FBN3: variants seen among roughly 807,000 people sequenced by gnomAD.
FBN3 encodes the protein fibrillin 3.
Under a neutral mutation model 330.1 loss-of-function variants are expected in FBN3, and 234 were observed. That is an observed-to-expected ratio of 0.71 (90% CI 0.64 to 0.79). The LOEUF is 0.79. Among genes scored for constraint, FBN3 ranks in the 30% least tolerant of loss-of-function variants. FBN3 has a pLI of 0.00. For missense variants in FBN3, 3,606 were observed against 3,886.9 expected, an observed-to-expected ratio of 0.93 and a Z score of 1.92; for synonymous variants, 1,458 against 1,517.3, an observed-to-expected ratio of 0.96 and a Z score of 0.91.
In FBN3 at chr19:8,091,524, C is replaced by T. The variant is rs184950936; in HGVS notation, c.5972G>A (p.Ser1991Asn). ...GCCAGGTGGGCAGAGGCACTGGAAGCTCCCAGGGCTGTTGGTACAGGTGCC... is the reference window on the plus strand; with the variant it reads ...GCCAGGTGGGCAGAGGCACTGGAAGTTCCCAGGGCTGTTGGTACAGGTGCC... ...LFGTCTNSPG[S>N]FQCLCPPGFV... The change falls in exon 48 of 64, where the codon AGC (serine) becomes AAC (asparagine). Residue 1991 changes from serine to asparagine, a missense_variant. Transcript: ENST00000600128. 1.2e-6 allele frequency: 2 copies of T among 1,614,222 alleles called. No individual in the cohort carries two copies. Among genetic ancestry groups the T allele is most frequent in the Non-Finnish European group, 1.7e-6 (2 of 1,180,046 alleles).
In FBN3 at chr19:8,147,089, G is replaced by A. The variant is rs367934183; in HGVS notation, c.250+15C>T. On this transcript the variant is annotated intron_variant, in intron 3 of 63. Transcript: ENST00000600128. ...GGCCTGTGCCCCCCCACCTCCAGAC[G>A]GCGGTAGCACTCACGTACGACACAC... 9.6e-5 allele frequency: 148 copies of A among 1,548,926 alleles called. No homozygotes were observed. Among genetic ancestry groups the A allele is most frequent in the South Asian group, 2.1e-4 (18 of 84,308 alleles).
At chr19:8,118,567 CG>C (rs1307544183) in intron 26 of FBN3, among the ~76,000 whole-genome samples, 1 of 149,794 alleles carries the variant, frequency 6.7e-6, no homozygotes, top group Non-Finnish European at 1.5e-5. Context: ...TTCACACAGA[CG>C]CACACACACA....
intron 55 of FBN3, 48 bp from the exon 56 acceptor site, chr19:8,085,617 T>G: frequency 7.0e-7 from 1 of 1,421,654 alleles, no homozygotes; most frequent in Middle Eastern, 1.9e-4. Flanking sequence ...GAGGCTGGTT[T>G]GGGGGCAAAG....
chr19:8,122,961 C>A (rs1241269235), intron 24 of FBN3, among the ~76,000 whole-genome samples: 1 of 151,922 alleles, frequency 6.6e-6, no homozygotes, highest in East Asian at 1.9e-4. Flanking sequence ...CCGCGCCCAG[C>A]CCAGCCCCTT....
chr19:8,096,532 G>T lies in FBN3; in HGVS notation c.5451C>A (p.Ser1817Arg). The change falls in exon 44 of 64, where the codon AGC becomes AGA. Residue 1817 changes from serine (S) to arginine (R), a missense_variant. Ser to Arg is a moderately radical substitution (Grantham distance 110). Coordinates refer to ENST00000600128, the MANE Select transcript of FBN3 (RefSeq NM_032447.5). This position sits in a 1 kb window ranked among gnomAD's most constrained non-coding sequence, Gnocchi z 4.6. ...NECREIPNVC[S>R]HGDCMDTEGS... ...CTTCTGTGTCCATGCAGTCACCATG[G>T]CTACAGACATTCGGGATCTCCCGAC... 1 of 1,613,812 alleles carries T rather than the reference G, an allele frequency of 6.2e-7. No individual in the cohort carries two copies. Among genetic ancestry groups the T allele is most frequent in the Non-Finnish European group, 8.5e-7 (1 of 1,179,944 alleles).
chr19:8,105,133 T>C (rs2082411047), intron 38 of FBN3, among the ~76,000 whole-genome samples: 2 of 151,744 alleles, frequency 1.3e-5, no homozygotes. Context: ...TTTTGTATTT[T>C]TAGTAGAGAT....
At chr19:8,147,057 T>C (rs1231914058) in intron 3 of FBN3, 47 bp downstream of exon 3, 1 of 1,498,250 alleles carries the variant, frequency 6.7e-7, no homozygotes, top group Non-Finnish European at 9.0e-7. Flanking sequence ...CAGGTAAGAG[T>C]GTCCCCGGCC....
At chr19:8,116,974 C>T (rs1451716262) in intron 28 of FBN3, among the ~76,000 whole-genome samples, 175 bp from the exon 29 acceptor site, 1 of 152,144 alleles carries the variant, frequency 6.6e-6, no homozygotes. Flanking sequence ...ATTCACCCTC[C>T]TCTGCAAAAA....
chr19:8,126,845 C>G lies in FBN3; in HGVS notation c.2297-13G>C. On this transcript the variant is annotated splice_polypyrimidine_tract_variant and intron_variant, in intron 18 of 63. Coordinates refer to ENST00000600128, the MANE Select transcript of FBN3 (RefSeq NM_032447.5). Reference sequence around the variant, plus strand: ...CATTCGTCGACATCTGTGGGGACAGCCCCCCACCAGGTCCTGAGCTGCAGG... The same window carrying G: ...CATTCGTCGACATCTGTGGGGACAGGCCCCCACCAGGTCCTGAGCTGCAGG... 6.5e-7 allele frequency: 1 copy of G among 1,536,244 alleles called. No individual in the cohort carries two copies. Among genetic ancestry groups the G allele is most frequent in the Non-Finnish European group, 8.7e-7 (1 of 1,144,226 alleles).
rs754440764 is a variant in FBN3, at chr19:8,096,460, G to A, written c.5523C>T (p.Asp1841=). ...LCHRGFQASA[D]QTLCMDIDEC... ...GGGTCTCACCCATGCACAGGGTCTG[G>A]TCTGCAGAGGCCTGGAATCCACGGT... The change falls in exon 44 of 64, where the codon GAC becomes GAT. Residue 1841 remains aspartate, a synonymous_variant. Transcript: ENST00000600128. This position sits in a 1 kb window ranked among gnomAD's most constrained non-coding sequence, Gnocchi z 4.6. 1 of 1,613,934 alleles carries A rather than the reference G, an allele frequency of 6.2e-7. No individual in the cohort carries two copies. The highest frequency in any genetic ancestry group is 1.1e-5 in the South Asian group (1 of 91,062).
In FBN3 at chr19:8,109,672, G is replaced by A; in HGVS notation, c.4415C>T (p.Pro1472Leu). 6.3e-7 allele frequency: 1 copy of A among 1,580,336 alleles called. No individual in the cohort carries two copies. Among genetic ancestry groups the A allele is most frequent in the Non-Finnish European group, 8.6e-7 (1 of 1,164,470 alleles). The part of the protein sequence containing the change: ...NTPGSYLCSC[P>L]QDFELNPSGV... ...GCTGGGGTTCAGCTCAAAATCCTGGGGGCAGCTGCAGAGGTAGCTGCCGGG... is the reference window on the plus strand; with the variant it reads ...GCTGGGGTTCAGCTCAAAATCCTGGAGGCAGCTGCAGAGGTAGCTGCCGGG... Residue 1472 changes from proline (P) to leucine (L), a missense_variant, in exon 35 of 64, where the codon CCC becomes CTC. Transcript: ENST00000600128. The surrounding 1 kb of genome is among the most constrained non-coding windows in gnomAD (Gnocchi z 5.2).
intron 3 of FBN3, among the ~76,000 whole-genome samples, 173 bp downstream of exon 3, chr19:8,146,931 G>A (rs992500239): frequency 6.6e-6 from 1 of 152,202 alleles, no homozygotes; most frequent in Non-Finnish European, 1.5e-5. Context: ...CAAAGGAAAT[G>A]AACATGGCAG....
intron 40 of FBN3, 46 bp from the exon 41 acceptor site, chr19:8,101,018 C>T (rs374286463): frequency 4.8e-5 from 73 of 1,514,264 alleles, no homozygotes; most frequent in African/African-American, 4.3e-4. Flanking sequence ...CAGGCCTGAC[C>T]CCAGCCCGCT....
rs1269641324 is a variant in FBN3, at chr19:8,123,560, G to C, written c.2986C>G (p.Leu996Val). The C allele has an allele frequency of 1.9e-6, 3 of 1,614,188 alleles. No homozygotes were observed. Among genetic ancestry groups the C allele is most frequent in the Non-Finnish European group, 2.5e-6 (3 of 1,180,030 alleles). Residue 996 changes from leucine to valine, a missense_variant, in exon 24 of 64, where the codon CTC becomes GTC. By Grantham distance (32) the Leu-to-Val change is conservative (BLOSUM62 1). Transcript: ENST00000600128. ...DVNECKVFPG[L>V]CTHGTCRNTV... ...TTTCTGCAGGTACCGTGCGTGCAGA[G>C]GCCAGGGAACACCTTGCATTCATTC...
Position 8,124,008 on chromosome 19 carries a change from T to A in FBN3, c.2732A>T (p.Asp911Val), listed in dbSNP as rs139446204. 183 of 1,612,392 alleles carry A rather than the reference T, an allele frequency of 1.1e-4. No homozygotes were observed. In the African/African-American group the frequency reaches 2.1e-3, roughly 19 times the overall value. The change falls in exon 23 of 64, where the codon GAT becomes GTT. Residue 911 changes from aspartate (D) to valine (V), a missense_variant and splice_region_variant. Physicochemically the swap from Asp to Val is radical, Grantham distance 152. Coordinates refer to ENST00000600128, the MANE Select transcript of FBN3 (RefSeq NM_032447.5). ...MLDASGRLCV[D>V]VRLEPCFLRW... ...CAGGAAACATGGTTCCAATCTCACA[T>A]CTGCACGGGGGACAGTCACTGCGTC... is the stretch of plus-strand genomic sequence containing the variant.
rs1599257692 is a variant in FBN3, at chr19:8,072,146, T to C, written c.7990A>G (p.Lys2664Glu). The C allele has an allele frequency of 6.2e-7, 1 of 1,601,798 alleles. No homozygotes were observed. The highest frequency in any genetic ancestry group is 2.2e-5 in the East Asian group (1 of 44,470). ...GCTTCAGACGAGAGCAGCTCCTCTTTGTCCGGGGTGTCCTGGGGTCCGGGG... is the reference window on the plus strand; with the variant it reads ...GCTTCAGACGAGAGCAGCTCCTCTTCGTCCGGGGTGTCCTGGGGTCCGGGG... ...FSPGPQDTPD[K>E]EELLSSEACY... Residue 2664 changes from lysine to glutamate, a missense_variant, in exon 63 of 64, where the codon AAA (lysine) becomes GAA (glutamate). Lys to Glu is a moderately conservative substitution (Grantham distance 56). Coordinates refer to ENST00000600128, the MANE Select transcript of FBN3 (RefSeq NM_032447.5).
chr19:8,094,868 C>A (rs868684439), intron 46 of FBN3, among the ~76,000 whole-genome samples: 1 of 152,216 alleles, frequency 6.6e-6, no homozygotes, highest in African/African-American at 2.4e-5. Flanking sequence ...AGCGCTTCTA[C>A]TATTCTTTGC....
intron 62 of FBN3, 105 bp downstream of exon 62, chr19:8,072,958 C>T (rs566993258): frequency 1.8e-5 from 17 of 922,210 alleles, no homozygotes; most frequent in Non-Finnish European, 2.8e-5. Context: ...TTGGCATGCA[C>T]AAAGCCCCGT....
Position 8,129,204 on chromosome 19 carries a change from C to T in FBN3, c.2170+36G>A. ...GGTGAGGGGTCTGCAGTGGGAGAGGCTGCCCACACATCCGCCCGCCAGGTG... is the reference window on the plus strand; with the variant it reads ...GGTGAGGGGTCTGCAGTGGGAGAGGTTGCCCACACATCCGCCCGCCAGGTG... On this transcript the variant is annotated intron_variant, in intron 17 of 63. Coordinates refer to ENST00000600128, the MANE Select transcript of FBN3 (RefSeq NM_032447.5). This position sits in a 1 kb window ranked among gnomAD's most constrained non-coding sequence, Gnocchi z 4.5. The T allele has an allele frequency of 6.2e-7, 1 of 1,612,350 alleles. No homozygotes were observed. The highest frequency in any genetic ancestry group is 1.3e-5 in the African/African-American group (1 of 75,040).
Sources: gnomAD v4.1 joint callset for allele counts (sites outside exome capture counted in the v4.1 genomes callset) on GRCh38, gnomAD v4.1.1 for gene constraint, Gnocchi (gnomAD v3.1) non-coding constraint, MANE v1.5 for transcripts, NCBI Gene and HGNC (gene_info 2026-07-23, HGNC 2026-07-21) for gene names.